The following POLR3B variants were observed in gnomAD, a reference collection of about 807,000 sequenced individuals.
POLR3B encodes the protein RNA polymerase III subunit B.
POLR3B carries 96 observed loss-of-function variants against 147.4 expected under a neutral mutation model. The observed-to-expected ratio is 0.65, with a 90% CI of 0.55 to 0.77. The LOEUF (loss-of-function observed/expected upper bound fraction) is 0.77, where lower values mean the gene tolerates loss of function less well. Among genes scored for constraint, POLR3B ranks in the 30% least tolerant of loss-of-function variants. The pLI, the probability that POLR3B is intolerant of heterozygous loss-of-function variation, is 0.00. For synonymous variants in POLR3B, 461 were observed against 485.9 expected (o/e 0.95, Z 0.67); for missense variants, 1,036 against 1,413.5 (o/e 0.73, Z 4.28).
At chr12:106,373,612 G>A (rs966503650) in intron 6 of POLR3B, among the ~76,000 whole-genome samples, 1 of 152,020 alleles carries the variant, frequency 6.6e-6, no homozygotes, top group African/African-American at 2.4e-5. Context: ...AAATTAACTG[G>A]GTGTGGTGGT....
chr12:106,372,943 A>T (rs2036630104), intron 6 of POLR3B, among the ~76,000 whole-genome samples: 1 of 152,236 alleles, frequency 6.6e-6, no homozygotes, highest in African/African-American at 2.4e-5. Context: ...TTCCCTTTTA[A>T]CGTGAGTTAT....
At chr12:106,502,977 G>A (rs552402978) in intron 26 of POLR3B, among the ~76,000 whole-genome samples, 11 of 152,248 alleles carry the variant, frequency 7.2e-5, no homozygotes, top group African/African-American at 2.4e-4. Flanking sequence ...CCTCGAGTGC[G>A]TTTGTCTGTA....
chr12:106,487,701 C>A (rs1320724460), intron 23 of POLR3B, among the ~76,000 whole-genome samples: 1 of 152,152 alleles, frequency 6.6e-6, no homozygotes, highest in Non-Finnish European at 1.5e-5. Context: ...AGAACATGTG[C>A]ATCTGTCCCG....
rs764277515 is a variant in POLR3B at position 106,380,619 on chromosome 12, T to C, written c.723+480T>C. 1.1e-3 allele frequency among the ~76,000 whole-genome samples: 169 copies of C among 152,078 alleles called. 1 individual carries two copies. Among genetic ancestry groups the C allele is most frequent in the Non-Finnish European group, 1.9e-3 (126 of 68,010 alleles). On this transcript the variant is annotated intron_variant, in intron 9 of 27. Transcript: ENST00000228347. ...AAAACATTAGCCAAGCGTGGTGGCA[T>C]GTGCCTATAGTTTCAGCTATTTGGG...
In POLR3B at chr12:106,376,894, C is replaced by T. The variant is rs1346957114; in HGVS notation, c.496+444C>T. On this transcript the variant is annotated intron_variant, in intron 7 of 27. Coordinates refer to ENST00000228347, the MANE Select transcript of POLR3B (RefSeq NM_018082.6). ...CTGGGATTACAGGCGTGAACCACTG[C>T]GCCTAGCCCTATTAGTCTATATTTC... is the stretch of plus-strand genomic sequence containing the variant. 1.9e-4 allele frequency among the ~76,000 whole-genome samples: 29 copies of T among 152,180 alleles called. 1 individual carries two copies. The highest frequency in any genetic ancestry group is 1.6e-3 in the Admixed American group (25 of 15,274).
At chr12:106,421,229 TAA>T (rs879429516) in intron 12 of POLR3B, among the ~76,000 whole-genome samples, 1 of 145,846 alleles carries the variant, frequency 6.9e-6, no homozygotes, top group Non-Finnish European at 1.5e-5. Context: ...CATTTGACAT[TAA>T]AAAAAAAAAC....
intron 27 of POLR3B, among the ~76,000 whole-genome samples, chr12:106,506,147 T>C (rs2038684641): frequency 6.6e-6 from 1 of 152,168 alleles, no homozygotes. Context: ...TATTTGTCTT[T>C]TGAAATGCAT....
In POLR3B at chr12:106,405,983, A is replaced by G. The variant is rs543733900; in HGVS notation, c.966+7A>G. On this transcript the variant is annotated splice_region_variant and intron_variant, in intron 11 of 27. Transcript: ENST00000228347. ...CATTCTGACCCATGTCCCAGTGAGT[A>G]ACACTTCGTTATTGTGAATAAGGAC... 3.1e-6 allele frequency: 5 copies of G among 1,613,462 alleles called. No individual in the cohort carries two copies. The African/African-American group carries it at 4.0e-5, about 13-fold the overall frequency.
At chr12:106,376,617 A>G (rs1278109542) in intron 7 of POLR3B, among the ~76,000 whole-genome samples, 167 bp downstream of exon 7, 2 of 119,892 alleles carry the variant, frequency 1.7e-5, no homozygotes, top group Admixed American at 7.7e-5. Flanking sequence ...ACTAGTCTGT[A>G]TTTCTTTCTT....
intron 23 of POLR3B, among the ~76,000 whole-genome samples, chr12:106,463,936 C>CT (rs112710786): frequency 1.2e-3 from 174 of 146,710 alleles, no homozygotes; most frequent in Middle Eastern, 3.5e-3. Flanking sequence ...ATAGTAGTAC[C>CT]TTTTTTTTTT....
In POLR3B at chr12:106,479,007, C is replaced by G. The variant is rs570957850; in HGVS notation, c.2713+15387C>G. Among the ~76,000 whole-genome samples, 4 of 152,246 alleles carry G rather than the reference C, an allele frequency of 2.6e-5. No individual in the cohort carries two copies. In the East Asian group the frequency reaches 7.7e-4, roughly 29 times the overall value. On this transcript the variant is annotated intron_variant, in intron 23 of 27. Coordinates refer to ENST00000228347, the MANE Select transcript of POLR3B (RefSeq NM_018082.6). Reference sequence around the variant, plus strand: ...CTCCTTACCTCCCTCCTACTTTATTCCTTTCTCTCTGGAAGCTTTTACTAT... The same window carrying G: ...CTCCTTACCTCCCTCCTACTTTATTGCTTTCTCTCTGGAAGCTTTTACTAT...
chr12:106,391,497 A>T lies in POLR3B; in HGVS notation c.724-1534A>T, dbSNP rs545484093. On this transcript the variant is annotated intron_variant, in intron 9 of 27. Coordinates refer to ENST00000228347, the MANE Select transcript of POLR3B (RefSeq NM_018082.6). The stretch of plus-strand genomic sequence containing the variant: ...AATGTTGGCCTAAAAGGGACATGGG[A>T]TCTATTCAGATTTCCCCCAAATCTT... Among the ~76,000 whole-genome samples the T allele has an allele frequency of 4.6e-5, 7 of 152,282 alleles. No homozygotes were observed. The South Asian group carries it at 1.5e-3, about 32-fold the overall frequency.
intron 12 of POLR3B, among the ~76,000 whole-genome samples, chr12:106,426,136 T>C (rs2037430783): frequency 6.6e-6 from 1 of 151,908 alleles, no homozygotes; most frequent in Non-Finnish European, 1.5e-5. Flanking sequence ...AGCACTGTCA[T>C]CTCCTGGGAG....
intron 9 of POLR3B, among the ~76,000 whole-genome samples, chr12:106,386,644 A>C (rs1416263240): frequency 6.6e-6 from 1 of 152,056 alleles, no homozygotes; most frequent in African/African-American, 2.4e-5. Flanking sequence ...GTGGTGGCTC[A>C]CACCTGTAAT....
At chr12:106,500,941 C>G (rs554669075) in intron 25 of POLR3B, among the ~76,000 whole-genome samples, 8 of 152,214 alleles carry the variant, frequency 5.3e-5, no homozygotes, top group Non-Finnish European at 1.2e-4. Context: ...GAAGGCATCC[C>G]CCTGACTTTT....
At chr12:106,485,390 A>G (rs2038323445) in intron 23 of POLR3B, among the ~76,000 whole-genome samples, 1 of 152,128 alleles carries the variant, frequency 6.6e-6, no homozygotes, top group African/African-American at 2.4e-5. Flanking sequence ...ATATAAGCAA[A>G]GGAGTGACGA....
intron 23 of POLR3B, among the ~76,000 whole-genome samples, chr12:106,464,532 C>T (rs545559564): frequency 3.9e-5 from 6 of 152,158 alleles, no homozygotes; most frequent in Admixed American, 6.6e-5. Context: ...CAGCTTGGCT[C>T]CAGAGACCTA....
chr12:106,358,950 G>A (rs2036427448), intron 1 of POLR3B, among the ~76,000 whole-genome samples: 1 of 152,218 alleles, frequency 6.6e-6, no homozygotes, highest in Admixed American at 6.5e-5. Context: ...TTGGCTAGGC[G>A]TGGTGGCCTG....
chr12:106,460,163 C>T (rs1045172135), intron 22 of POLR3B, among the ~76,000 whole-genome samples: 1 of 151,988 alleles, frequency 6.6e-6, no homozygotes, highest in East Asian at 1.9e-4. Flanking sequence ...CTTGTGCCAG[C>T]GATATAGAGC....
Sources: allele counts gnomAD v4.1 joint callset (sites outside exome capture counted in the v4.1 genomes callset), GRCh38; gene constraint gnomAD v4.1.1; transcripts MANE v1.5; gene names NCBI Gene and HGNC (gene_info 2026-07-23, HGNC 2026-07-21).